Variants in OR5A1 observed in about 807,000 individuals in gnomAD.
OR5A1 encodes olfactory receptor family 5 subfamily A member 1.
OR5A1 carries 6 observed loss-of-function variants against 6.7 expected under a neutral mutation model. That is an observed-to-expected ratio of 0.89 (90% CI 0.49 to 1.76). The LOEUF (loss-of-function observed/expected upper bound fraction) is 1.76, where lower values mean the gene tolerates loss of function less well. Among genes scored for constraint, OR5A1 ranks in the 40% most tolerant of loss-of-function variants. The pLI, the probability that OR5A1 is intolerant of heterozygous loss-of-function variation, is 0.01. For missense variants in OR5A1, 378 were observed against 381.7 expected, an observed-to-expected ratio of 0.99 and a Z score of 0.08; for synonymous variants, 170 against 155.0, an observed-to-expected ratio of 1.10 and a Z score of -0.72.
rs536584453 is a variant in OR5A1 at position 59,448,479 on chromosome 11, C to A, written c.*4363C>A. On this transcript the variant is annotated 3_prime_UTR_variant, in exon 2 of 2. Coordinates refer to ENST00000641045, the MANE Select transcript of OR5A1 (RefSeq NM_001004728.2). ...CGTTGGTCTCATCCAATGCTTGGAT[C>A]TTACAGGATTATTATGAGCCCAAAA... is the stretch of plus-strand genomic sequence containing the variant. 6.6e-5 allele frequency: 10 copies of A among 152,224 alleles called. No homozygotes were observed. In the South Asian group the frequency reaches 1.9e-3, roughly 28 times the overall value. 9.4% of individuals were successfully genotyped at this position (152,224 alleles called of 1,614,324 possible). A position where few individuals can be genotyped will look rare whatever the true frequency, so the allele number is the denominator to read the frequency against.
chr11:59,443,247 C>A lies in OR5A1; in HGVS notation c.79C>A (p.Gln27Lys). The A allele has an allele frequency of 6.2e-7, 1 of 1,614,116 alleles. No individual in the cohort carries two copies. Among genetic ancestry groups the A allele is most frequent in the Non-Finnish European group, 8.5e-7 (1 of 1,180,030 alleles). ...LLGFTDHPEL[Q>K]ALLFVTFLGI... is the part of the protein sequence containing the mutation. ...GGGATTCACAGACCATCCAGAACTC[C>A]AGGCCCTCCTCTTTGTGACCTTCCT... Residue 27 changes from glutamine to lysine, a missense_variant, in exon 2 of 2, where the codon CAG becomes AAG. Physicochemically the swap from Gln to Lys is moderately conservative, Grantham distance 53. Coordinates refer to ENST00000641045, the MANE Select transcript of OR5A1 (RefSeq NM_001004728.2).
In OR5A1 at chr11:59,443,575, C is replaced by G; in HGVS notation, c.407C>G (p.Pro136Arg). 1 of 1,614,092 alleles carries G rather than the reference C, an allele frequency of 6.2e-7. No individual in the cohort carries two copies. Among genetic ancestry groups the G allele is most frequent in the Non-Finnish European group, 8.5e-7 (1 of 1,180,022 alleles). The change falls in exon 2 of 2, where the codon CCC becomes CGC. Residue 136 changes from proline (P) to arginine (R), a missense_variant. Physicochemically the swap from Pro to Arg is moderately radical, Grantham distance 103 (BLOSUM62 -2). Coordinates refer to ENST00000641045, the MANE Select transcript of OR5A1 (RefSeq NM_001004728.2). ...YAAISSPLLY[P>R]TIMTQGLCTR... ...GCCATCTCCAGCCCCCTTCTCTACCCCACTATCATGACCCAGGGCCTCTGT... is the reference window on the plus strand; with the variant it reads ...GCCATCTCCAGCCCCCTTCTCTACCGCACTATCATGACCCAGGGCCTCTGT...
Position 59,446,144 on chromosome 11 carries a change from C to T in OR5A1, c.*2028C>T, listed in dbSNP as rs563921932. 6.6e-5 allele frequency: 10 copies of T among 152,268 alleles called. 1 individual carries two copies. Among genetic ancestry groups the T allele is most frequent in the African/African-American group, 2.2e-4 (9 of 41,554 alleles). 9.4% of individuals were successfully genotyped at this position (152,268 alleles called of 1,614,324 possible). ...CTTTACATTTAAATCTTTAATCCAT[C>T]TTGAGTTAATTTTTGTATAAAGTTT... On this transcript the variant is annotated 3_prime_UTR_variant, in exon 2 of 2. Transcript: ENST00000641045.
At chr11:59,438,779 T>C (rs1457481930) in intron 1 of OR5A1, among the ~76,000 whole-genome samples, 1 of 152,196 alleles carries the variant, frequency 6.6e-6, no homozygotes, top group African/African-American at 2.4e-5. Flanking sequence ...TTCCAAACAC[T>C]GCAGAGGCCT....
intron 1 of OR5A1, among the ~76,000 whole-genome samples, chr11:59,441,077 A>C (rs1858476180): frequency 6.6e-6 from 1 of 152,180 alleles, no homozygotes; most frequent in Non-Finnish European, 1.5e-5. Context: ...ACTGGCAATG[A>C]GTAGATGTGG....
Position 59,450,286 on chromosome 11 carries a change from G to A in OR5A1, c.*6170G>A, listed in dbSNP as rs948441388. The A allele has an allele frequency of 1.3e-5, 2 of 152,152 alleles. No homozygotes were observed. Among genetic ancestry groups the A allele is most frequent in the African/African-American group, 4.8e-5 (2 of 41,434 alleles). The allele number at this position is 152,152 out of a possible 1,614,324, so 9.4% of individuals were successfully genotyped here. ...AGGTGATTGACCAGAAGAGTAGGTG[G>A]AATAATGTTAATCTGAAAGAGAAGT... On this transcript the variant is annotated 3_prime_UTR_variant, in exon 2 of 2. Transcript: ENST00000641045.
intron 1 of OR5A1, 106 bp from the exon 2 acceptor site, chr11:59,443,030 A>T: frequency 1.6e-6 from 1 of 624,190 alleles, no homozygotes; most frequent in Non-Finnish European, 2.8e-6. Flanking sequence ...AGAGAAAGAG[A>T]GTCTTTGCAT....
Position 59,448,469 on chromosome 11 carries a change from A to G in OR5A1, c.*4353A>G, listed in dbSNP as rs996374772. The G allele has an allele frequency of 2.0e-5, 3 of 152,180 alleles. No individual in the cohort carries two copies. Among genetic ancestry groups the G allele is most frequent in the Non-Finnish European group, 4.4e-5 (3 of 68,038 alleles). The allele number at this position is 152,180 out of a possible 1,614,324, so 9.4% of individuals were successfully genotyped here. ...TTTATGATGACGTTGGTCTCATCCA[A>G]TGCTTGGATCTTACAGGATTATTAT... is the stretch of plus-strand genomic sequence containing the variant. On this transcript the variant is annotated 3_prime_UTR_variant, in exon 2 of 2. Transcript: ENST00000641045.
In OR5A1 at chr11:59,446,138, A is replaced by G. The variant is rs1034719547; in HGVS notation, c.*2022A>G. The stretch of plus-strand genomic sequence containing the variant: ...TTGGGGCTTTACATTTAAATCTTTA[A>G]TCCATCTTGAGTTAATTTTTGTATA... On this transcript the variant is annotated 3_prime_UTR_variant, in exon 2 of 2. Coordinates refer to ENST00000641045, the MANE Select transcript of OR5A1 (RefSeq NM_001004728.2). The G allele has an allele frequency of 7.9e-5, 12 of 152,150 alleles. No homozygotes were observed. Among genetic ancestry groups the G allele is most frequent in the African/African-American group, 2.9e-4 (12 of 41,448 alleles). 9.4% of individuals were successfully genotyped at this position (152,150 alleles called of 1,614,324 possible).
intron 1 of OR5A1, among the ~76,000 whole-genome samples, chr11:59,441,114 G>A (rs1858476479): frequency 6.6e-6 from 1 of 152,218 alleles, no homozygotes; most frequent in Middle Eastern, 3.4e-3. Context: ...TGAGGATGTC[G>A]AAATAAAGTG....
At chr11:59,439,185 T>C (rs954060472) in intron 1 of OR5A1, among the ~76,000 whole-genome samples, 3 of 152,228 alleles carry the variant, frequency 2.0e-5, no homozygotes, top group African/African-American at 7.2e-5. Flanking sequence ...TCCAGATATA[T>C]TTGATGGAAA....
chr11:59,442,305 G>T (rs2867731), intron 1 of OR5A1, among the ~76,000 whole-genome samples: 1 of 151,966 alleles, frequency 6.6e-6, no homozygotes, highest in African/African-American at 2.4e-5. Flanking sequence ...AGCCAGTCGC[G>T]GTGGCGTATG....
chr11:59,440,688 T>C (rs1858472166), intron 1 of OR5A1, among the ~76,000 whole-genome samples: 1 of 152,240 alleles, frequency 6.6e-6, no homozygotes, highest in South Asian at 2.1e-4. Flanking sequence ...CATGTGACTC[T>C]ACATCTGCTC....
intron 1 of OR5A1, among the ~76,000 whole-genome samples, chr11:59,439,876 A>T (rs567701866): frequency 6.6e-6 from 1 of 152,298 alleles, no homozygotes; most frequent in Admixed American, 6.5e-5. Context: ...GCATACTTCA[A>T]CCTATTACAT....
rs1248224070 is a variant in OR5A1, at chr11:59,443,232, G to A, written c.64G>A (p.Asp22Asn). The A allele has an allele frequency of 1.2e-6, 2 of 1,614,072 alleles. No individual in the cohort carries two copies. Among genetic ancestry groups the A allele is most frequent in the Admixed American group, 3.3e-5 (2 of 60,008 alleles). Reference sequence around the variant, plus strand: ...CATGTTCATCCTCCTGGGATTCACAGACCATCCAGAACTCCAGGCCCTCCT... The same window carrying A: ...CATGTTCATCCTCCTGGGATTCACAAACCATCCAGAACTCCAGGCCCTCCT... The part of the protein sequence containing the change: ...VTMFILLGFT[D>N]HPELQALLFV... The change falls in exon 2 of 2, where the codon GAC becomes AAC. Residue 22 changes from aspartate to asparagine, a missense_variant. Coordinates refer to ENST00000641045, the MANE Select transcript of OR5A1 (RefSeq NM_001004728.2).
chr11:59,439,154 G>T (rs566832628), intron 1 of OR5A1, among the ~76,000 whole-genome samples: 1 of 152,248 alleles, frequency 6.6e-6, no homozygotes, highest in Admixed American at 6.5e-5. Context: ...GGCAAATTTT[G>T]TTACAAAGTT....
In OR5A1 at chr11:59,449,969, T is replaced by C. The variant is rs189302689; in HGVS notation, c.*5853T>C. 2 of 152,226 alleles carry C rather than the reference T, an allele frequency of 1.3e-5. No homozygotes were observed. Among genetic ancestry groups the C allele is most frequent in the Admixed American group, 1.3e-4 (2 of 15,290 alleles). The allele number at this position is 152,226 out of a possible 1,614,324, so 9.4% of individuals were successfully genotyped here. A position where few individuals can be genotyped will look rare whatever the true frequency, so the allele number is the denominator to read the frequency against. On this transcript the variant is annotated 3_prime_UTR_variant, in exon 2 of 2. Transcript: ENST00000641045. ...ATTGGGAGGAAAAGGCAGACACACA[T>C]AGACCCATAAAGGCAAGGAGTAAAA...
At chr11:59,441,388 G>C (rs1590612397) in intron 1 of OR5A1, among the ~76,000 whole-genome samples, 1 of 152,022 alleles carries the variant, frequency 6.6e-6, no homozygotes, top group African/African-American at 2.4e-5. Context: ...TGTTTCAATA[G>C]TTCACATTTG....
At position 59,449,833 on chromosome 11, in the gene OR5A1, AC is replaced by A. The variant is rs1411332543; in HGVS notation, c.*5721del. On this transcript the variant is annotated 3_prime_UTR_variant, in exon 2 of 2. Coordinates refer to ENST00000641045, the MANE Select transcript of OR5A1 (RefSeq NM_001004728.2). ...TGCACATCAGGAGTTGCAAATGGAC[AC>A]CCCTTTGTTCATTCATCTTCAAAAA... The A allele has an allele frequency of 6.6e-6, 1 of 152,108 alleles. No individual in the cohort carries two copies. The highest frequency in any genetic ancestry group is 6.6e-5 in the Admixed American group (1 of 15,260). The allele number at this position is 152,108 out of a possible 1,614,324, so 9.4% of individuals were successfully genotyped here.
Sources: allele counts gnomAD v4.1 joint callset (sites outside exome capture counted in the v4.1 genomes callset), GRCh38; gene constraint gnomAD v4.1.1; transcripts MANE v1.5; gene names NCBI Gene and HGNC (gene_info 2026-07-23, HGNC 2026-07-21).